The following STXBP5 variants were observed in gnomAD, a reference collection of about 807,000 sequenced individuals.
STXBP5 encodes the protein syntaxin binding protein 5.
In STXBP5, 50 loss-of-function variants were observed where a neutral mutation model predicts 152.4. The observed-to-expected ratio is 0.33, with a 90% CI of 0.26 to 0.42. The LOEUF is 0.42. Among genes scored for constraint, STXBP5 ranks in the 10% least tolerant of loss-of-function variants. STXBP5 has a pLI of 1.00. For synonymous variants in STXBP5, 492 were observed against 494.7 expected, an observed-to-expected ratio of 0.99 and a Z score of 0.07; for missense variants, 1,167 against 1,388.6, an observed-to-expected ratio of 0.84 and a Z score of 2.54.
chr6:147,252,863 C>T lies in STXBP5; in HGVS notation c.432-7752C>T, dbSNP rs117241630. 4.4e-3 allele frequency among the ~76,000 whole-genome samples: 663 copies of T among 152,248 alleles called. 14 individuals are homozygous for T. The highest frequency in any genetic ancestry group is 0.034 in the Admixed American group (522 of 15,298). The stretch of plus-strand genomic sequence containing the variant: ...GCCCAGGACCAAACGGATTCACAGC[C>T]GAATTCCACCAGAGGTACAAAGAGA... On this transcript the variant is annotated intron_variant, in intron 4 of 27. Transcript: ENST00000321680.
intron 4 of STXBP5, among the ~76,000 whole-genome samples, chr6:147,247,349 G>T (rs531982107): frequency 6.6e-6 from 1 of 152,210 alleles, no homozygotes; most frequent in Admixed American, 6.5e-5. Context: ...ACATAGGCAT[G>T]AAATGATGCC....
At chr6:147,315,179 A>C (rs975534343) in intron 14 of STXBP5, among the ~76,000 whole-genome samples, 1 of 152,160 alleles carries the variant, frequency 6.6e-6, no homozygotes, top group Non-Finnish European at 1.5e-5. Context: ...GATACATAGA[A>C]AATCATTTTA....
At chr6:147,207,531 C>G (rs928177279) in intron 2 of STXBP5, among the ~76,000 whole-genome samples, 2 of 152,096 alleles carry the variant, frequency 1.3e-5, no homozygotes, top group African/African-American at 4.8e-5. Context: ...ACTCAGTGAT[C>G]AAGACCATCT....
chr6:147,341,810 T>C (rs979037984), intron 21 of STXBP5, among the ~76,000 whole-genome samples: 4 of 152,158 alleles, frequency 2.6e-5, no homozygotes, highest in Non-Finnish European at 5.9e-5. Flanking sequence ...GCTGAGACTA[T>C]AATGATAAGC....
chr6:147,206,042 G>A lies in STXBP5; in HGVS notation c.222G>A (p.Val74=). ...AFDPVQKILA[V]GTQTGALRLF... is the part of the protein sequence containing the mutation. Reference sequence around the variant, plus strand: ...ATCCTGTACAGAAGATCCTGGCAGTGGGAACTCAGACTGGTGCTTTAAGGC... The same window carrying A: ...ATCCTGTACAGAAGATCCTGGCAGTAGGAACTCAGACTGGTGCTTTAAGGC... The change falls in exon 2 of 28, where the codon GTG becomes GTA. Residue 74 remains valine, a synonymous_variant. Transcript: ENST00000321680. 6.2e-7 allele frequency: 1 copy of A among 1,613,986 alleles called. No individual in the cohort carries two copies.
rs574227106 is a variant in STXBP5, at chr6:147,316,130, A to G, written c.1624-99A>G. 9.4e-6 allele frequency: 11 copies of G among 1,168,478 alleles called. No individual in the cohort carries two copies. In the East Asian group the frequency reaches 2.0e-4, roughly 21 times the overall value. The allele number at this position is 1,168,478 out of a possible 1,614,324, so 72.4% of individuals were successfully genotyped here. ...TTTTACCTTTAAAAATCTTCTTGCC[A>G]CTGAAGTTTATGTAAAGTGTGTGTG... On this transcript the variant is annotated intron_variant, in intron 15 of 27. Transcript: ENST00000321680.
intron 2 of STXBP5, among the ~76,000 whole-genome samples, chr6:147,216,913 A>G (rs955494767): frequency 2.0e-5 from 3 of 152,248 alleles, no homozygotes; most frequent in Admixed American, 2.0e-4. Flanking sequence ...CATGGTAGCT[A>G]TTGTTAAACA....
At chr6:147,278,817 T>G (rs1294459562) in intron 8 of STXBP5, among the ~76,000 whole-genome samples, 2 of 152,206 alleles carry the variant, frequency 1.3e-5, no homozygotes, top group African/African-American at 4.8e-5. Flanking sequence ...TATTTTCTTA[T>G]GGAGTCACAC....
intron 2 of STXBP5, among the ~76,000 whole-genome samples, chr6:147,209,474 C>G (rs1776742039): frequency 6.6e-6 from 1 of 151,996 alleles, no homozygotes; most frequent in Admixed American, 6.6e-5. Flanking sequence ...TCGCTTTCCA[C>G]TAAATAATTA....
At chr6:147,380,467 A>C (rs1786030807) in intron 26 of STXBP5, among the ~76,000 whole-genome samples, 1 of 151,806 alleles carries the variant, frequency 6.6e-6, no homozygotes. Flanking sequence ...AAAAAAAAAA[A>C]AAAGATGTTG....
At position 147,244,222 on chromosome 6, in the gene STXBP5, T is replaced by C. The variant is rs143701100; in HGVS notation, c.431+4952T>C. 5.6e-3 allele frequency among the ~76,000 whole-genome samples: 856 copies of C among 152,260 alleles called. 7 individuals are homozygous for C. Among genetic ancestry groups the C allele is most frequent in the African/African-American group, 0.019 (804 of 41,548 alleles). On this transcript the variant is annotated intron_variant, in intron 4 of 27. Transcript: ENST00000321680. ...CAGTTTTATATAAGGGACTTGAGCA[T>C]TATTGGATTTTGGTATCAGAGGGGT...
intron 9 of STXBP5, chr6:147,293,435 C>T (rs1268917127): frequency 2.0e-5 from 3 of 152,160 alleles, no homozygotes; most frequent in Non-Finnish European, 2.9e-5. Flanking sequence ...TACTATGCAG[C>T]CTAAATCGAG....
chr6:147,259,660 T>G (rs1389791535), intron 4 of STXBP5, among the ~76,000 whole-genome samples: 2 of 152,160 alleles, frequency 1.3e-5, no homozygotes, highest in African/African-American at 4.8e-5. Context: ...AGGCTGGCAG[T>G]CATTATTATC....
chr6:147,213,494 AT>A (rs1336541411), intron 2 of STXBP5, among the ~76,000 whole-genome samples: 3 of 131,448 alleles, frequency 2.3e-5, no homozygotes, highest in Admixed American at 2.1e-4. Context: ...GCATATATAT[AT>A]TTTTTCTTTT....
chr6:147,264,315 G>A (rs1304754144), intron 6 of STXBP5, among the ~76,000 whole-genome samples: 1 of 152,024 alleles, frequency 6.6e-6, no homozygotes, highest in African/African-American at 2.4e-5. Flanking sequence ...ACTTATGATA[G>A]GAATAGCTAC....
At chr6:147,380,889 G>A (rs1051914319) in intron 26 of STXBP5, among the ~76,000 whole-genome samples, 14 of 152,068 alleles carry the variant, frequency 9.2e-5, no homozygotes, top group Non-Finnish European at 1.0e-4. Context: ...TGCTAATAAA[G>A]ACATACCCAA....
chr6:147,360,337 C>T (rs1214620669), intron 23 of STXBP5, among the ~76,000 whole-genome samples: 2 of 152,138 alleles, frequency 1.3e-5, no homozygotes, highest in Admixed American at 6.5e-5. Flanking sequence ...GCTATAAAGA[C>T]ACATGCACAT....
At chr6:147,317,333 T>A (rs751637063) in intron 16 of STXBP5, among the ~76,000 whole-genome samples, 11 of 152,206 alleles carry the variant, frequency 7.2e-5, no homozygotes, top group Non-Finnish European at 1.2e-4. Flanking sequence ...AGATTTTTTT[T>A]ATATTACAAT....
At chr6:147,277,450 G>A (rs1147844) in intron 7 of STXBP5, among the ~76,000 whole-genome samples, 48,925 of 151,672 alleles carry the variant, frequency 0.32, 9,278 homozygotes, top group South Asian at 0.45. Context: ...AATAATATTA[G>A]AGCAAAAAAA....
Sources: gnomAD v4.1 joint callset for allele counts (sites outside exome capture counted in the v4.1 genomes callset) on GRCh38, gnomAD v4.1.1 for gene constraint, MANE v1.5 for transcripts, NCBI Gene and HGNC (gene_info 2026-07-23, HGNC 2026-07-21) for gene names.